The following SRFBP1 variants were observed in gnomAD, a reference collection of about 807,000 sequenced individuals.
SRFBP1 encodes the protein serum response factor-binding protein 1.
Under a neutral mutation model 45.5 loss-of-function variants are expected in SRFBP1, and 47 were observed. That is an observed-to-expected ratio of 1.03 (90% CI 0.82 to 1.32). The LOEUF (loss-of-function observed/expected upper bound fraction) is 1.32, where lower values mean the gene tolerates loss of function less well. Among genes scored for constraint, SRFBP1 ranks in the 40% most tolerant of loss-of-function variants. The pLI is 0.00. For missense variants in SRFBP1, 621 were observed against 484.6 expected (o/e 1.28, Z -2.64); for synonymous variants, 203 against 166.3 (o/e 1.22, Z -1.70).
chr5:122,027,191 C>CTT lies in SRFBP1; in HGVS notation c.*65_*66insTT. ...AAATGTTTTTTTTAAGACAGGATCT[C>CTT]ATTCTGTTGCCCAGACTAGAGTACA... On this transcript the variant is annotated 3_prime_UTR_variant, in exon 8 of 8. Coordinates refer to ENST00000339397, the MANE Select transcript of SRFBP1 (RefSeq NM_152546.3). 1 of 1,307,886 alleles carries CTT rather than the reference C, an allele frequency of 7.6e-7. No homozygotes were observed. Among genetic ancestry groups the CTT allele is most frequent in the Non-Finnish European group, 1.1e-6 (1 of 945,456 alleles). The allele number at this position is 1,307,886 out of a possible 1,614,324, so 81.0% of individuals were successfully genotyped here. A position where few individuals can be genotyped will look rare whatever the true frequency, so the allele number is the denominator to read the frequency against.
downstream of SRFBP1, among the ~76,000 whole-genome samples, chr5:122,031,946 C>A (rs868703896): frequency 6.6e-6 from 1 of 152,178 alleles, no homozygotes; most frequent in Non-Finnish European, 1.5e-5. Flanking sequence ...ACTGAAAATA[C>A]ATCAGTGATT....
At chr5:122,051,294 G>T (rs1168017267) in intron 2 of SRFBP1, among the ~76,000 whole-genome samples, 3 of 151,960 alleles carry the variant, frequency 2.0e-5, no homozygotes, top group Non-Finnish European at 4.4e-5. Context: ...GTTAAGTTCA[G>T]GCCCTGAATA....
downstream of SRFBP1, among the ~76,000 whole-genome samples, chr5:122,033,272 A>G (rs994105757): frequency 4.6e-5 from 7 of 151,238 alleles, no homozygotes; most frequent in African/African-American, 7.3e-5. Flanking sequence ...CCGTTTGTCA[A>G]TTGTCTTGAT....
chr5:122,051,092 T>C (rs1261246526), intron 2 of SRFBP1, among the ~76,000 whole-genome samples: 3 of 152,196 alleles, frequency 2.0e-5, no homozygotes, highest in Non-Finnish European at 4.4e-5. Flanking sequence ...ATTCCTATTT[T>C]TATTGCACTG....
intron 2 of SRFBP1, among the ~76,000 whole-genome samples, chr5:122,035,459 T>A (rs545521028): frequency 6.6e-6 from 1 of 152,356 alleles, no homozygotes; most frequent in East Asian, 1.9e-4. Flanking sequence ...AACCCCATCT[T>A]CCTTCTGTGC....
intron 4 of SRFBP1, among the ~76,000 whole-genome samples, chr5:121,997,607 A>C (rs1201433030): frequency 2.0e-5 from 3 of 151,754 alleles, no homozygotes; most frequent in African/African-American, 7.3e-5. Context: ...AGGCATGGGC[A>C]AGGACTTCAT....
intron 4 of SRFBP1, among the ~76,000 whole-genome samples, chr5:121,997,819 G>GA (rs1014906213): frequency 6.6e-6 from 1 of 151,322 alleles, no homozygotes; most frequent in African/African-American, 2.4e-5. Context: ...AAATTGACAA[G>GA]AAAAAAACAA....
chr5:122,020,371 T>G lies in SRFBP1; in HGVS notation c.636T>G (p.Ser212=). Reference sequence around the variant, plus strand: ...CATCAAAGCCTTCAGAAAAGGATTCTGTAGTTTCCCTTGAGTCCCAGAAGA... The same window carrying G: ...CATCAAAGCCTTCAGAAAAGGATTCGGTAGTTTCCCTTGAGTCCCAGAAGA... ...NSPSKPSEKD[S]VVSLESQKTP... is the part of the protein sequence containing the mutation. The change falls in exon 6 of 8, where the codon TCT becomes TCG. Residue 212 remains serine, a synonymous_variant. Coordinates refer to ENST00000339397, the MANE Select transcript of SRFBP1 (RefSeq NM_152546.3). The G allele has an allele frequency of 1.2e-6, 2 of 1,614,138 alleles. No homozygotes were observed. Among genetic ancestry groups the G allele is most frequent in the Non-Finnish European group, 1.7e-6 (2 of 1,179,998 alleles).
chr5:122,016,531 A>G lies in SRFBP1; in HGVS notation c.271-2729A>G, dbSNP rs116665435. On this transcript the variant is annotated intron_variant, in intron 4 of 7. Transcript: ENST00000339397. ...CTTGTTTTATTATCTGAAATCTTGT[A>G]GGTCCCAATATACTAATGTGACTAT... Among the ~76,000 whole-genome samples the G allele has an allele frequency of 3.8e-3, 575 of 152,262 alleles. 5 individuals are homozygous for G. The highest frequency in any genetic ancestry group is 0.013 in the African/African-American group (522 of 41,568).
In SRFBP1 at chr5:121,962,073, G is replaced by A. The variant is rs373195514; in HGVS notation, c.36+5G>A. On this transcript the variant is annotated splice_donor_5th_base_variant and intron_variant, in intron 1 of 7. Transcript: ENST00000339397. ...ACTCTGAACCTCAATAACGAGGTGAGCGCCGAGGAACCTATGGGGCTGACT... is the reference window on the plus strand; with the variant it reads ...ACTCTGAACCTCAATAACGAGGTGAACGCCGAGGAACCTATGGGGCTGACT... 8.1e-6 allele frequency: 13 copies of A among 1,614,056 alleles called. No homozygotes were observed. In the African/African-American group the frequency reaches 1.3e-4, roughly 17 times the overall value.
rs1753494969 is a variant in SRFBP1, at chr5:122,027,012, A to G, written c.1176A>G (p.Thr392=). The change falls in exon 8 of 8, where the codon ACA becomes ACG. Residue 392 remains threonine, a synonymous_variant. Transcript: ENST00000339397. ...NKKLSGRLEN[T]KQQLQLPLHP... ...AGCTATCAGGAAGACTTGAAAATAC[A>G]AAACAGCAATTGCAGCTGCCTCTTC... 6.2e-7 allele frequency: 1 copy of G among 1,613,284 alleles called. No individual in the cohort carries two copies. Among genetic ancestry groups the G allele is most frequent in the South Asian group, 1.1e-5 (1 of 91,026 alleles).
chr5:121,992,768 GTATTA>G (rs1752644185), intron 3 of SRFBP1, among the ~76,000 whole-genome samples: 1 of 152,028 alleles, frequency 6.6e-6, no homozygotes, highest in African/African-American at 2.4e-5. Context: ...CATTTTAGAG[GTATTA>G]TATTCCTAAA....
intron 2 of SRFBP1, among the ~76,000 whole-genome samples, chr5:122,060,189 A>T (rs1754148822): frequency 6.6e-6 from 1 of 152,122 alleles, no homozygotes; most frequent in Non-Finnish European, 1.5e-5. Flanking sequence ...CTGGAGAGAA[A>T]GTCAGGCCTT....
At chr5:122,058,357 TA>T (rs1754117756) in intron 2 of SRFBP1, among the ~76,000 whole-genome samples, 1 of 152,196 alleles carries the variant, frequency 6.6e-6, no homozygotes, top group Non-Finnish European at 1.5e-5. Flanking sequence ...ATCTTTTACA[TA>T]ATTAGTTTTT....
intron 3 of SRFBP1, among the ~76,000 whole-genome samples, chr5:121,989,218 T>C (rs1198297216): frequency 6.6e-6 from 1 of 151,876 alleles, no homozygotes; most frequent in African/African-American, 2.4e-5. Flanking sequence ...CACGTGCCAC[T>C]ACATCCAGCT....
At chr5:121,993,427 T>C (rs907459373) in intron 3 of SRFBP1, among the ~76,000 whole-genome samples, 3 of 152,146 alleles carry the variant, frequency 2.0e-5, no homozygotes, top group Admixed American at 1.3e-4. Context: ...GAAATATAAA[T>C]TGATTTTGTG....
At chr5:122,032,104 G>T (rs1306454925), downstream of SRFBP1, among the ~76,000 whole-genome samples, 1 of 152,054 alleles carries the variant, frequency 6.6e-6, no homozygotes, top group Non-Finnish European at 1.5e-5. Context: ...ACTTTAAAAG[G>T]GTGAATATTG....
At position 121,988,776 on chromosome 5, in the gene SRFBP1, G is replaced by A. The variant is rs531402634; in HGVS notation, c.199-5823G>A. 2.0e-5 allele frequency among the ~76,000 whole-genome samples: 3 copies of A among 152,294 alleles called. No homozygotes were observed. In the South Asian group the frequency reaches 6.2e-4, roughly 32 times the overall value. ...ACTCAGAGGTCATCTCCTAGGAGCT[G>A]GCCAAGGTCCAGTCCTGATGACAGG... On this transcript the variant is annotated intron_variant, in intron 3 of 7. Coordinates refer to ENST00000339397, the MANE Select transcript of SRFBP1 (RefSeq NM_152546.3).
chr5:122,017,224 C>CCAA lies in SRFBP1; in HGVS notation c.271-2023_271-2021dup, dbSNP rs547656647. 6.6e-4 allele frequency among the ~76,000 whole-genome samples: 100 copies of CCAA among 152,122 alleles called. 3 individuals are homozygous for CCAA. The South Asian group carries it at 0.017, about 26-fold the overall frequency. On this transcript the variant is annotated intron_variant, in intron 4 of 7. Transcript: ENST00000339397. ...CAGCCTGGGTGACAGAGTGAGACTC[C>CCAA]CAACAACAACAACAAAAAAGTAAAT... is the stretch of plus-strand genomic sequence containing the variant.
Sources: gnomAD v4.1 joint callset for allele counts (sites outside exome capture counted in the v4.1 genomes callset) on GRCh38, gnomAD v4.1.1 for gene constraint, MANE v1.5 for transcripts, NCBI Gene and HGNC (gene_info 2026-07-23, HGNC 2026-07-21) for gene names.